The following NDST4 variants were observed in gnomAD, a reference collection of about 807,000 sequenced individuals.
The protein encoded by NDST4 is N-heparan sulfate sulfotransferase 4.
A neutral mutation model predicts 100.8 loss-of-function variants in NDST4; 63 were observed. The ratio of observed to expected loss-of-function variants is 0.62; its 90% CI spans 0.51 to 0.77. The LOEUF is 0.77. NDST4 is among the 30% of genes least tolerant of loss of function. The pLI is 0.00. For missense variants in NDST4, 943 were observed against 1,018.4 expected, an observed-to-expected ratio of 0.93 and a Z score of 1.01; for synonymous variants, 377 against 361.8, an observed-to-expected ratio of 1.04 and a Z score of -0.48.
intron 6 of NDST4, among the ~76,000 whole-genome samples, chr4:114,886,931 A>C (rs1046625490): frequency 2.0e-5 from 3 of 152,158 alleles, no homozygotes; most frequent in Non-Finnish European, 4.4e-5. Context: ...GAGAGCAGAG[A>C]AAAGTGAAAA....
intron 2 of NDST4, among the ~76,000 whole-genome samples, chr4:115,053,104 A>G (rs1728619756): frequency 1.3e-5 from 2 of 152,194 alleles, no homozygotes. Context: ...AAGCACCACA[A>G]TATGTTATGG....
chr4:115,024,818 T>C, intron 2 of NDST4, among the ~76,000 whole-genome samples: 1 of 152,210 alleles, frequency 6.6e-6, no homozygotes, highest in Non-Finnish European at 1.5e-5. Flanking sequence ...CGTGTTTAAA[T>C]ATAATTGCCA....
At chr4:114,905,573 C>T (rs1484330898) in intron 6 of NDST4, among the ~76,000 whole-genome samples, 5 of 151,808 alleles carry the variant, frequency 3.3e-5, no homozygotes, top group African/African-American at 1.2e-4. Context: ...TCAATAGCAA[C>T]ATTTTAAAAA....
chr4:114,933,940 A>G (rs1469538407), intron 6 of NDST4, among the ~76,000 whole-genome samples: 2 of 152,170 alleles, frequency 1.3e-5, no homozygotes. Context: ...GGAAAACACT[A>G]TAGAGATTCC....
intron 2 of NDST4, among the ~76,000 whole-genome samples, chr4:115,069,254 C>T (rs565247202): frequency 6.6e-6 from 1 of 152,082 alleles, no homozygotes; most frequent in South Asian, 2.1e-4. Context: ...GCAAGTCTAA[C>T]AAAAAACAGT....
intron 6 of NDST4, among the ~76,000 whole-genome samples, chr4:114,879,863 A>T (rs771972701): frequency 2.0e-4 from 31 of 152,188 alleles, no homozygotes; most frequent in Non-Finnish European, 3.8e-4. Context: ...TTGTTAAATT[A>T]CATTTTTTAT....
At chr4:114,887,607 C>T (rs745412214) in intron 6 of NDST4, among the ~76,000 whole-genome samples, 2 of 152,160 alleles carry the variant, frequency 1.3e-5, no homozygotes, top group Non-Finnish European at 1.5e-5. Context: ...GACATCCATA[C>T]AAGGATCCAC....
At chr4:114,991,155 G>T (rs1727030312) in intron 2 of NDST4, among the ~76,000 whole-genome samples, 1 of 152,048 alleles carries the variant, frequency 6.6e-6, no homozygotes, top group Non-Finnish European at 1.5e-5. Flanking sequence ...GTAGGCCCTG[G>T]TTTCTCAAGA....
intron 2 of NDST4, among the ~76,000 whole-genome samples, chr4:115,008,527 G>A (rs1727469722): frequency 7.8e-6 from 1 of 127,858 alleles, no homozygotes; most frequent in African/African-American, 3.0e-5. Context: ...GGTATTGATG[G>A]GACATATCTC....
intron 2 of NDST4, among the ~76,000 whole-genome samples, chr4:115,039,738 G>C (rs564568877): frequency 6.6e-6 from 1 of 151,928 alleles, no homozygotes; most frequent in South Asian, 2.1e-4. Flanking sequence ...AAGAGTGTGT[G>C]GTATATAATA....
intron 3 of NDST4, among the ~76,000 whole-genome samples, chr4:114,974,914 A>G (rs772043904): frequency 2.0e-5 from 3 of 152,154 alleles, no homozygotes; most frequent in Non-Finnish European, 4.4e-5. Flanking sequence ...AGGCTCATCC[A>G]TCAGCATCCT....
At chr4:114,975,865 G>C (rs1409729423) in intron 3 of NDST4, among the ~76,000 whole-genome samples, 4 of 151,274 alleles carry the variant, frequency 2.6e-5, no homozygotes, top group South Asian at 2.1e-4. Context: ...ATTTCTTGAG[G>C]GAGTTTTGAA....
intron 6 of NDST4, among the ~76,000 whole-genome samples, chr4:114,886,311 GTCGCTGTCCTACT>G (rs1241196929): frequency 6.6e-6 from 1 of 152,080 alleles, no homozygotes; most frequent in Non-Finnish European, 1.5e-5. Context: ...GCTGAGATAT[GTCGCTGTCCTACT>G]TCTTCATTCT....
intron 6 of NDST4, among the ~76,000 whole-genome samples, chr4:114,917,584 G>T (rs1725201300): frequency 6.6e-6 from 1 of 151,972 alleles, no homozygotes; most frequent in Non-Finnish European, 1.5e-5. Flanking sequence ...TCAAGTCCAG[G>T]CTAGGCAACA....
At chr4:114,887,956 C>A (rs1025403764) in intron 6 of NDST4, among the ~76,000 whole-genome samples, 2 of 151,924 alleles carry the variant, frequency 1.3e-5, no homozygotes, top group Non-Finnish European at 2.9e-5. Context: ...AATATTGATA[C>A]CTTTGAGATG....
intron 6 of NDST4, among the ~76,000 whole-genome samples, chr4:114,915,999 C>A (rs1192236852): frequency 6.6e-6 from 1 of 152,078 alleles, no homozygotes; most frequent in East Asian, 1.9e-4. Context: ...GTCCTGAGAT[C>A]TTTTATTTTG....
intron 10 of NDST4, among the ~76,000 whole-genome samples, chr4:114,843,678 G>C (rs12642789): frequency 0.12 from 17,733 of 151,920 alleles, 1,779 homozygotes; most frequent in African/African-American, 0.27. Flanking sequence ...TTGTTGTCAC[G>C]CCTCCATCTG....
intron 1 of NDST4, among the ~76,000 whole-genome samples, chr4:115,097,081 A>C (rs1196877110): frequency 6.6e-6 from 1 of 151,956 alleles, no homozygotes; most frequent in Non-Finnish European, 1.5e-5. Context: ...GTTTTTTCTT[A>C]ATCCTTACCT....
At chr4:114,851,071 A>G (rs1723666137) in intron 8 of NDST4, among the ~76,000 whole-genome samples, 1 of 152,158 alleles carries the variant, frequency 6.6e-6, no homozygotes, top group Admixed American at 6.5e-5. Flanking sequence ...AAACTGAGCA[A>G]ATAGGAGTTT....
Sources: allele counts gnomAD v4.1 joint callset (sites outside exome capture counted in the v4.1 genomes callset), GRCh38; gene constraint gnomAD v4.1.1; transcripts MANE v1.5; gene names NCBI Gene and HGNC (gene_info 2026-07-23, HGNC 2026-07-21).